ABCA9: variants seen among roughly 807,000 people sequenced by gnomAD.
The protein encoded by ABCA9 is ATP-binding cassette sub-family A member 9.
Under a neutral mutation model 205.3 loss-of-function variants are expected in ABCA9, and 183 were observed. That is an observed-to-expected ratio of 0.89 (90% CI 0.79 to 1.01). The LOEUF (loss-of-function observed/expected upper bound fraction) is 1.01, where lower values mean the gene tolerates loss of function less well. ABCA9 is among the 50% of genes least tolerant of loss of function. The pLI is 0.00. For synonymous variants in ABCA9, 651 were observed against 683.3 expected (o/e 0.95, Z 0.74); for missense variants, 1,805 against 1,912.4 (o/e 0.94, Z 1.05).
At position 69,042,092 on chromosome 17, in the gene ABCA9, A is replaced by G. The variant is rs191774966; in HGVS notation, c.800+1397T>C. Among the ~76,000 whole-genome samples the G allele has an allele frequency of 8.5e-5, 13 of 152,274 alleles. No homozygotes were observed. The East Asian group carries it at 2.5e-3, about 29-fold the overall frequency. On this transcript the variant is annotated intron_variant, in intron 6 of 38. Coordinates refer to ENST00000340001, the MANE Select transcript of ABCA9 (RefSeq NM_080283.4). ...ACTCCAGAACTCAGGCTTTTACTGC[A>G]TCTGTCTCTAATGCATCACTTGGCT...
chr17:69,064,567 C>T (rs1383232314), upstream of ABCA9, among the ~76,000 whole-genome samples: 4 of 152,140 alleles, frequency 2.6e-5, no homozygotes, highest in East Asian at 7.7e-4. Context: ...ATCCAGAGGA[C>T]ACAATAGTAT....
chr17:68,988,280 C>T (rs1024043157), intron 31 of ABCA9, among the ~76,000 whole-genome samples: 3 of 152,194 alleles, frequency 2.0e-5, no homozygotes, highest in Admixed American at 1.3e-4. Flanking sequence ...TTGGCCTAGA[C>T]ATACCACTAA....
intron 6 of ABCA9, among the ~76,000 whole-genome samples, chr17:69,041,670 C>T (rs1598404845): frequency 6.6e-6 from 1 of 151,596 alleles, no homozygotes; most frequent in East Asian, 2.0e-4. Context: ...CGCCACTGCA[C>T]TCCAGCCTGG....
chr17:69,074,875 A>G, the ABCA9 span, among the ~76,000 whole-genome samples: 1 of 152,036 alleles, frequency 6.6e-6, no homozygotes, highest in Non-Finnish European at 1.5e-5. Flanking sequence ...CCACAGTGGC[A>G]GTGTTCCCTT....
At chr17:69,078,864 A>G in the ABCA9 span, 1 of 644,026 alleles carries the variant, frequency 1.6e-6, no homozygotes, top group Non-Finnish European at 2.5e-6. Flanking sequence ...AATTTACAAA[A>G]TATACCTGAT....
intron 6 of ABCA9, among the ~76,000 whole-genome samples, chr17:69,037,418 A>G (rs1231114424): frequency 6.6e-6 from 1 of 152,216 alleles, no homozygotes; most frequent in East Asian, 1.9e-4. Flanking sequence ...AATTCACTCA[A>G]AACTGCACAA....
At chr17:68,983,980 A>G in intron 35 of ABCA9, 76 bp downstream of exon 35, 1 of 1,604,004 alleles carries the variant, frequency 6.2e-7, no homozygotes. Context: ...CACGATGGGT[A>G]GCCTGGTGCA....
Position 69,021,773 on chromosome 17 carries a change from T to C in ABCA9, c.2370A>G (p.Lys790=). ...CATCAATAGTTGATTTTCCTTCTAA[T>C]TTCAGAAACACCTCATTCAAAGTTG... ...SITTLNEVFL[K]LEGKSTIDES... is the part of the protein sequence containing the mutation. Residue 790 remains lysine (K), a synonymous_variant, in exon 18 of 39, where the codon AAA becomes AAG. Coordinates refer to ENST00000340001, the MANE Select transcript of ABCA9 (RefSeq NM_080283.4). 6.3e-7 allele frequency: 1 copy of C among 1,593,544 alleles called. No homozygotes were observed. Among genetic ancestry groups the C allele is most frequent in the African/African-American group, 1.3e-5 (1 of 74,480 alleles).
At chr17:69,040,610 G>C (rs1294192930) in intron 6 of ABCA9, among the ~76,000 whole-genome samples, 1 of 152,076 alleles carries the variant, frequency 6.6e-6, no homozygotes, top group African/African-American at 2.4e-5. Flanking sequence ...TGCATGTGGG[G>C]CTTAAAACTT....
At chr17:69,061,291 A>G (rs886131478), upstream of ABCA9, 1 of 268,040 alleles carries the variant, frequency 3.7e-6, no homozygotes, top group Admixed American at 6.5e-5. Flanking sequence ...GCCAATCCAG[A>G]GAAGAGTAGA....
chr17:69,052,465 G>A lies in ABCA9; in HGVS notation c.-13-1326C>T, dbSNP rs1167035924. On this transcript the variant is annotated intron_variant, in intron 1 of 38. Coordinates refer to ENST00000340001, the MANE Select transcript of ABCA9 (RefSeq NM_080283.4). Reference sequence around the variant, plus strand: ...GAAAGTATCAGAATCAGACTCAGATGTGGCAGAAATGTTGCAATTATTAGA... The same window carrying A: ...GAAAGTATCAGAATCAGACTCAGATATGGCAGAAATGTTGCAATTATTAGA... 7.9e-5 allele frequency among the ~76,000 whole-genome samples: 12 copies of A among 152,168 alleles called. No individual in the cohort carries two copies. In the East Asian group the frequency reaches 2.3e-3, roughly 29 times the overall value.
chr17:68,984,734 G>A (rs1454616758), intron 34 of ABCA9, 151 bp downstream of exon 34: 21 of 1,029,020 alleles, frequency 2.0e-5, no homozygotes, highest in Non-Finnish European at 2.8e-5. Flanking sequence ...AATAAAAGCT[G>A]GTTGTGATTT....
At chr17:69,047,740 G>A (rs2071766979) in intron 3 of ABCA9, among the ~76,000 whole-genome samples, 1 of 152,194 alleles carries the variant, frequency 6.6e-6, no homozygotes, top group African/African-American at 2.4e-5. Context: ...ACATGCCTAA[G>A]TTGCAAAACC....
chr17:69,077,596 A>G, the ABCA9 span, among the ~76,000 whole-genome samples: 1 of 152,152 alleles, frequency 6.6e-6, no homozygotes, highest in African/African-American at 2.4e-5. Context: ...AACACTGTCA[A>G]TGGGGTGTTG....
At chr17:68,999,193 G>A (rs1032140195) in intron 25 of ABCA9, among the ~76,000 whole-genome samples, 17 of 147,542 alleles carry the variant, frequency 1.2e-4, no homozygotes, top group South Asian at 4.4e-4. Context: ...AGTTACATAC[G>A]TATACATGTG....
Position 69,021,712 on chromosome 17 carries a change from CCTTTCTTTCTCT to C in ABCA9, c.2401+18_2401+29del, listed in dbSNP as rs779230174. 3.7e-6 allele frequency: 5 copies of C among 1,364,328 alleles called. No homozygotes were observed. Among genetic ancestry groups the C allele is most frequent in the South Asian group, 1.3e-5 (1 of 76,580 alleles). 84.5% of individuals were successfully genotyped at this position (1,364,328 alleles called of 1,614,324 possible). On this transcript the variant is annotated intron_variant, in intron 18 of 38. Transcript: ENST00000340001. ...TCCTTCCTTCCTTTCTTTCTTTCTC[CCTTTCTTTCTCT>C]TTCTTATTTTTTCTTACCTGATTCA... is the stretch of plus-strand genomic sequence containing the variant.
At chr17:68,985,149 C>T (rs747057241) in intron 32 of ABCA9, 21 bp from the exon 33 acceptor site, 1 of 1,614,158 alleles carries the variant, frequency 6.2e-7, no homozygotes, top group South Asian at 1.1e-5. Context: ...CAGAGTCAAT[C>T]CACATAATCC....
At chr17:68,997,180 C>T (rs890319339) in intron 25 of ABCA9, among the ~76,000 whole-genome samples, 20 of 152,382 alleles carry the variant, frequency 1.3e-4, no homozygotes, top group African/African-American at 4.8e-4. Flanking sequence ...ATCCACCCAC[C>T]TCGGCCTCCC....
At chr17:68,984,290 C>T in intron 34 of ABCA9, 115 bp from the exon 35 acceptor site, 1 of 1,421,394 alleles carries the variant, frequency 7.0e-7, no homozygotes, top group Admixed American at 2.2e-5. Context: ...TCAGACTAGA[C>T]AAAAAAGGGG....
Sources: allele counts gnomAD v4.1 joint callset (sites outside exome capture counted in the v4.1 genomes callset), GRCh38; gene constraint gnomAD v4.1.1; transcripts MANE v1.5; gene names NCBI Gene and HGNC (gene_info 2026-07-23, HGNC 2026-07-21).